Variants in CSMD1 observed in about 807,000 individuals in gnomAD.
CSMD1 encodes the protein CUB and Sushi multiple domains 1.
Under a neutral mutation model 417.5 loss-of-function variants are expected in CSMD1, and 213 were observed. The ratio of observed to expected loss-of-function variants is 0.51; its 90% CI spans 0.46 to 0.57. The LOEUF (loss-of-function observed/expected upper bound fraction) is 0.57. Ranked by LOEUF, CSMD1 falls within the 20% of genes least tolerant of loss-of-function variation. The pLI is 0.00. For missense variants in CSMD1, 6,923 were observed against 4,529.7 expected (o/e 1.53, Z -15.17); for synonymous variants, 2,862 against 1,736.8 (o/e 1.65, Z -16.11).
chr8:3,671,013 A>G (rs1798995031), intron 7 of CSMD1, among the ~76,000 whole-genome samples: 1 of 136,806 alleles, frequency 7.3e-6, no homozygotes, highest in African/African-American at 2.6e-5. Flanking sequence ...TGGGATATAT[A>G]TGTATATGGG....
At chr8:3,424,813 G>A (rs965398764) in intron 12 of CSMD1, among the ~76,000 whole-genome samples, 20 of 152,110 alleles carry the variant, frequency 1.3e-4, no homozygotes, top group African/African-American at 4.6e-4. Flanking sequence ...AATGAAATTG[G>A]CATATTGTTA....
At chr8:3,493,982 C>T (rs1260222884) in intron 10 of CSMD1, among the ~76,000 whole-genome samples, 1 of 152,166 alleles carries the variant, frequency 6.6e-6, no homozygotes, top group Non-Finnish European at 1.5e-5. Flanking sequence ...AATTTAACCT[C>T]TGCAACACTT....
At chr8:4,916,947 A>G (rs1381709005) in intron 1 of CSMD1, among the ~76,000 whole-genome samples, 4 of 152,306 alleles carry the variant, frequency 2.6e-5, no homozygotes, top group East Asian at 1.9e-4. Flanking sequence ...GAGACATGTC[A>G]TTAGGCATCC....
chr8:4,870,831 T>G (rs1454619051), intron 1 of CSMD1, among the ~76,000 whole-genome samples: 1 of 152,118 alleles, frequency 6.6e-6, no homozygotes, highest in Non-Finnish European at 1.5e-5. Flanking sequence ...ATTTGCTGGC[T>G]CCCCTCTGCT....
chr8:4,370,359 A>G (rs888638830), intron 3 of CSMD1, among the ~76,000 whole-genome samples: 3 of 151,992 alleles, frequency 2.0e-5, no homozygotes, highest in Non-Finnish European at 4.4e-5. Context: ...CCTTCTCTCT[A>G]GCTGCTTTCA....
chr8:4,814,355 C>G (rs1411657923), intron 1 of CSMD1, among the ~76,000 whole-genome samples: 1 of 152,170 alleles, frequency 6.6e-6, no homozygotes, highest in Non-Finnish European at 1.5e-5. Context: ...AAGCAAATCT[C>G]CTGCCTCAGT....
intron 3 of CSMD1, among the ~76,000 whole-genome samples, chr8:4,140,214 T>C (rs141057790): frequency 9.7e-6 from 1 of 103,064 alleles, no homozygotes; most frequent in Non-Finnish European, 2.4e-5. Context: ...TAAACAAAAA[T>C]TCATCTGGAT....
At chr8:3,923,153 C>G (rs531261762) in intron 5 of CSMD1, among the ~76,000 whole-genome samples, 3 of 152,054 alleles carry the variant, frequency 2.0e-5, no homozygotes, top group Admixed American at 6.6e-5. Flanking sequence ...CAGACCACGC[C>G]GAAGCTTCAT....
At position 4,920,963 on chromosome 8, in the gene CSMD1, AAAGAAAGAAAGAAAGAAAC is replaced by A. The variant is rs1224862690; in HGVS notation, c.85+73350_85+73368del. 3.9e-3 allele frequency among the ~76,000 whole-genome samples: 66 copies of A among 17,130 alleles called. 5 individuals carry two copies. The highest frequency in any genetic ancestry group is 8.4e-3 in the African/African-American group (62 of 7,388). 11.2% of individuals were successfully genotyped at this position (17,130 alleles called of 152,430 possible). On this transcript the variant is annotated intron_variant, in intron 1 of 69. Coordinates refer to ENST00000635120, the MANE Select transcript of CSMD1 (RefSeq NM_033225.6). Reference sequence around the variant, plus strand: ...GAAAGAAAGAAAGAAAGAAAGAAAGAAAGAAAGAAAGAAAGAAACAAAGAAAGAAAGAAAAGAAAGAAAG... The same window carrying A: ...GAAAGAAAGAAAGAAAGAAAGAAAGAAAAGAAAGAAAGAAAAGAAAGAAAG...
At chr8:4,340,467 C>T (rs35560464) in intron 3 of CSMD1, among the ~76,000 whole-genome samples, 10 of 151,964 alleles carry the variant, frequency 6.6e-5, no homozygotes, top group Non-Finnish European at 8.8e-5. Flanking sequence ...ATGGGTCTGT[C>T]TAGGGGTGAT....
At chr8:4,039,653 C>G (rs906345053) in intron 3 of CSMD1, among the ~76,000 whole-genome samples, 2 of 152,118 alleles carry the variant, frequency 1.3e-5, no homozygotes, top group South Asian at 2.1e-4. Context: ...GGGACGTAAT[C>G]AGAACTGGCT....
chr8:4,091,794 G>C (rs954380061), intron 3 of CSMD1, among the ~76,000 whole-genome samples: 2 of 152,128 alleles, frequency 1.3e-5, no homozygotes, highest in African/African-American at 2.4e-5. Flanking sequence ...CACAAGGTTG[G>C]TAAAATACTG....
chr8:3,274,648 C>T (rs945429488), intron 26 of CSMD1, among the ~76,000 whole-genome samples: 2 of 152,068 alleles, frequency 1.3e-5, no homozygotes, highest in African/African-American at 4.8e-5. Flanking sequence ...ATAGTTAGCC[C>T]TTCTTGTTGA....
chr8:4,520,256 A>G (rs1191280272), intron 2 of CSMD1, among the ~76,000 whole-genome samples: 1 of 152,166 alleles, frequency 6.6e-6, no homozygotes, highest in Non-Finnish European at 1.5e-5. Flanking sequence ...GGGATTTCAC[A>G]TGGACATAGT....
rs1211844743 is a variant in CSMD1, at chr8:4,455,119, G to A, written c.303-35054C>T. Among the ~76,000 whole-genome samples, 2 of 152,158 alleles carry A rather than the reference G, an allele frequency of 1.3e-5. 1 individual carries two copies. Among genetic ancestry groups the A allele is most frequent in the Admixed American group, 1.3e-4 (2 of 15,274 alleles). On this transcript the variant is annotated intron_variant, in intron 2 of 69. Coordinates refer to ENST00000635120, the MANE Select transcript of CSMD1 (RefSeq NM_033225.6). ...TAAGGTCTGACACGTAATAAAGGAT[G>A]ACGGATATCAAAGAGGATTTGGACA...
In CSMD1 at chr8:4,851,401, T is replaced by C. The variant is rs191977382; in HGVS notation, c.85+142931A>G. On this transcript the variant is annotated intron_variant, in intron 1 of 69. Transcript: ENST00000635120. ...ACCAATTCCTGCTTTTCCTTTTTTG[T>C]TTTTTTCCTGGCTGCATCTTCTTCG... 2.2e-4 allele frequency among the ~76,000 whole-genome samples: 34 copies of C among 152,166 alleles called. No homozygotes were observed. The East Asian group carries it at 6.4e-3, about 29-fold the overall frequency.
At chr8:4,551,902 G>C (rs1481997461) in intron 2 of CSMD1, among the ~76,000 whole-genome samples, 1 of 149,990 alleles carries the variant, frequency 6.7e-6, no homozygotes, top group Non-Finnish European at 1.5e-5. Context: ...TGCTCAGGCA[G>C]ACTCAAACTT....
At chr8:4,815,756 T>C (rs1799171577) in intron 1 of CSMD1, among the ~76,000 whole-genome samples, 1 of 143,556 alleles carries the variant, frequency 7.0e-6, no homozygotes, top group Non-Finnish European at 1.5e-5. Flanking sequence ...TTAAAAGGAG[T>C]TTATATAATA....
At chr8:3,852,732 G>C (rs372947377) in intron 5 of CSMD1, among the ~76,000 whole-genome samples, 1 of 152,022 alleles carries the variant, frequency 6.6e-6, no homozygotes, top group East Asian at 1.9e-4. Flanking sequence ...TGGAGGGTCA[G>C]GTAAGCGTCT....
Sources: allele counts gnomAD v4.1 joint callset (sites outside exome capture counted in the v4.1 genomes callset), GRCh38; gene constraint gnomAD v4.1.1; transcripts MANE v1.5; gene names NCBI Gene and HGNC (gene_info 2026-07-23, HGNC 2026-07-21).